NLRP5: variants seen among roughly 807,000 people sequenced by gnomAD.
NLRP5 encodes NLR family pyrin domain containing 5, also known as NACHT, LRR and PYD domains-containing protein 5.
NLRP5 carries 93 observed loss-of-function variants against 113.1 expected under a neutral mutation model. The observed-to-expected ratio is 0.82, with a 90% CI of 0.70 to 0.98. NLRP5 has a LOEUF of 0.98. Ranked by LOEUF, NLRP5 falls within the 50% of genes least tolerant of loss-of-function variation. The pLI is 0.00. For missense variants in NLRP5, 1,808 were observed against 1,514.3 expected (o/e 1.19, Z -3.22); for synonymous variants, 751 against 600.7 (o/e 1.25, Z -3.66).
At chr19:56,040,464 A>G (rs894878677) in intron 10 of NLRP5, among the ~76,000 whole-genome samples, 3 of 152,160 alleles carry the variant, frequency 2.0e-5, no homozygotes, top group African/African-American at 7.2e-5. Flanking sequence ...GCTACTCAGG[A>G]GGCTGAGGCC....
In NLRP5 at chr19:56,015,545, T is replaced by G. The variant is rs144665185; in HGVS notation, c.509-197T>G. Among the ~76,000 whole-genome samples, 169 of 152,330 alleles carry G rather than the reference T, an allele frequency of 1.1e-3. 1 individual carries two copies. The highest frequency in any genetic ancestry group is 3.1e-3 in the Admixed American group (47 of 15,288). ...CCAGTGTATAGAAATACTTTTGATT[T>G]TGAATCGTCGGATCTTGAATCTAGT... On this transcript the variant is annotated intron_variant, in intron 3 of 14. Transcript: ENST00000390649.
At chr19:56,049,685 C>G (rs116894796) in intron 11 of NLRP5, among the ~76,000 whole-genome samples, 4,783 of 152,176 alleles carry the variant, frequency 0.031, 100 homozygotes, top group Non-Finnish European at 0.045. Flanking sequence ...AAAAATGTGT[C>G]TAAAGTTTCC....
chr19:56,059,393 A>G, intron 14 of NLRP5, among the ~76,000 whole-genome samples: 1 of 152,204 alleles, frequency 6.6e-6, no homozygotes, highest in South Asian at 2.1e-4. Flanking sequence ...AGGAGCTCAT[A>G]TCCGTAGACT....
chr19:56,043,542 CTTT>C lies in NLRP5; in HGVS notation c.2957+2489_2957+2491del, dbSNP rs369622191. The stretch of plus-strand genomic sequence containing the variant: ...TGGATTGTCTGTTTACTCTGCTATT[CTTT>C]TTTTTTTTTTTTTTTTTTTTTTTTT... On this transcript the variant is annotated intron_variant, in intron 11 of 14. Transcript: ENST00000390649. Among the ~76,000 whole-genome samples, 9 of 92,956 alleles carry C rather than the reference CTTT, an allele frequency of 9.7e-5. No individual in the cohort carries two copies. In the East Asian group the frequency reaches 3.8e-3, roughly 39 times the overall value. 61.0% of individuals were successfully genotyped at this position (92,956 alleles called of 152,430 possible).
chr19:56,021,595 G>A (rs1314719044), intron 6 of NLRP5, among the ~76,000 whole-genome samples: 1 of 152,138 alleles, frequency 6.6e-6, no homozygotes, highest in African/African-American at 2.4e-5. Flanking sequence ...TTCTGTGACT[G>A]GCCATGTTTC....
At position 56,027,779 on chromosome 19, in the gene NLRP5, G is replaced by T. The variant is rs778691799; in HGVS notation, c.1546G>T (p.Val516Phe). Reference sequence around the variant, plus strand: ...TCATCAGCTCACCCCTCGAGGCGTGGTCCGGCGCTGTCTCAATCTGGAGGA... The same window carrying T: ...TCATCAGCTCACCCCTCGAGGCGTGTTCCGGCGCTGTCTCAATCTGGAGGA... Residue 516 changes from valine (V) to phenylalanine (F), a missense_variant, in exon 7 of 15, where the codon GTC (valine) becomes TTC (phenylalanine). Transcript: ENST00000390649. 6.2e-7 allele frequency: 1 copy of T among 1,613,998 alleles called. No homozygotes were observed. Among genetic ancestry groups the T allele is most frequent in the South Asian group, 1.1e-5 (1 of 91,076 alleles).
Position 56,007,918 on chromosome 19 carries a change from T to TGCACGCGCGCGCGTGC in NLRP5, c.443-869_443-868insCACGCGCGCGCGTGCG, listed in dbSNP as rs1277773594. Among the ~76,000 whole-genome samples, 10 of 75,706 alleles carry TGCACGCGCGCGCGTGC rather than the reference T, an allele frequency of 1.3e-4. No homozygotes were observed. The South Asian group carries it at 3.0e-3, about 23-fold the overall frequency. The allele number at this position is 75,706 out of a possible 152,430, so 49.7% of individuals were successfully genotyped here. ...GTGCGCGCGTGCGTGTGTGTGTGTG[T>TGCACGCGCGCGCGTGC]GTGTGTGTGTGTGTGTTTGAAACAG... On this transcript the variant is annotated intron_variant, in intron 2 of 14. Transcript: ENST00000390649.
intron 6 of NLRP5, among the ~76,000 whole-genome samples, chr19:56,025,028 A>G (rs1025440444): frequency 1.5e-5 from 2 of 129,342 alleles, no homozygotes; most frequent in African/African-American, 6.0e-5. Context: ...TGAACTGCAC[A>G]TGTGAGGGAT....
intron 3 of NLRP5, among the ~76,000 whole-genome samples, chr19:56,011,130 G>T (rs1040529290): frequency 6.6e-6 from 1 of 151,496 alleles, no homozygotes; most frequent in Non-Finnish European, 1.5e-5. Context: ...TTCAGCCTGG[G>T]TGATAAAATG....
chr19:55,999,221 T>TC (rs1981516267), upstream of NLRP5, among the ~76,000 whole-genome samples: 1 of 147,342 alleles, frequency 6.8e-6, no homozygotes, highest in Non-Finnish European at 1.5e-5. Flanking sequence ...TCTTTTTTTT[T>TC]TTTTTTTTTG....
Position 56,053,457 on chromosome 19 carries a change from C to T in NLRP5, c.3129-181C>T, listed in dbSNP as rs28453043. ...TCACACCAGACACTTTCCCCGCCTC[C>T]GCTATCATTCCTCTCTCAAGCCAAC... On this transcript the variant is annotated intron_variant, in intron 12 of 14. Coordinates refer to ENST00000390649, the MANE Select transcript of NLRP5 (RefSeq NM_153447.4). Among the ~76,000 whole-genome samples the T allele has an allele frequency of 1.3e-3, 200 of 152,258 alleles. 1 individual carries two copies. Among genetic ancestry groups the T allele is most frequent in the African/African-American group, 4.2e-3 (173 of 41,552 alleles).
At chr19:55,997,344 G>T (rs1030192079), upstream of NLRP5, among the ~76,000 whole-genome samples, 1 of 152,092 alleles carries the variant, frequency 6.6e-6, no homozygotes. Flanking sequence ...TGTGTTCTTA[G>T]ATTTGGTTAC....
At chr19:56,014,478 CAAA>C (rs3055393) in intron 3 of NLRP5, among the ~76,000 whole-genome samples, 18,584 of 136,930 alleles carry the variant, frequency 0.14, 1,246 homozygotes, top group Non-Finnish European at 0.17. Flanking sequence ...CGCTCCATCT[CAAA>C]AAAAAAAAAA....
intron 10 of NLRP5, among the ~76,000 whole-genome samples, chr19:56,039,624 C>T (rs185966448): frequency 9.1e-4 from 139 of 152,260 alleles, no homozygotes; most frequent in African/African-American, 3.3e-3. Context: ...TAAAAAGCTG[C>T]TTAAATGGCC....
Position 56,028,462 on chromosome 19 carries a change from CT to C in NLRP5, c.2231del (p.Phe744SerfsTer50). The C allele has an allele frequency of 6.2e-7, 1 of 1,613,886 alleles. No individual in the cohort carries two copies. The highest frequency in any genetic ancestry group is 8.5e-7 in the Non-Finnish European group (1 of 1,179,894). ...AAATTCGGGTGGATGTCAAAGGGAT[CT>C]TCCCAAGAGATGAGTCCGCTGAGGC... On this transcript the variant is annotated frameshift_variant, in exon 7 of 15. Transcript: ENST00000390649. LOFTEE classifies it high-confidence loss of function.
At chr19:56,036,817 C>T (rs1025047695) in intron 9 of NLRP5, among the ~76,000 whole-genome samples, 3 of 152,058 alleles carry the variant, frequency 2.0e-5, no homozygotes, top group African/African-American at 4.8e-5. Flanking sequence ...ATTAGTCGGG[C>T]ATGATGGCAT....
chr19:56,055,436 T>C (rs1033546785), intron 13 of NLRP5, among the ~76,000 whole-genome samples: 1 of 151,820 alleles, frequency 6.6e-6, no homozygotes, highest in African/African-American at 2.4e-5. Flanking sequence ...TTTATGATTT[T>C]ATTAAACTTT....
chr19:56,058,596 A>T (rs146174029), intron 14 of NLRP5, among the ~76,000 whole-genome samples, 186 bp downstream of exon 14: 87 of 152,330 alleles, frequency 5.7e-4, no homozygotes, highest in African/African-American at 1.9e-3. Context: ...AATATGGGAG[A>T]TAGAGGCCAG....
At chr19:56,028,881 C>G (rs1411091846) in intron 7 of NLRP5, among the ~76,000 whole-genome samples, 1 of 152,184 alleles carries the variant, frequency 6.6e-6, no homozygotes, top group Admixed American at 6.5e-5. Context: ...TCTCCTGCCT[C>G]AGGCTGCCGA....
Sources: gnomAD v4.1 joint callset for allele counts (sites outside exome capture counted in the v4.1 genomes callset) on GRCh38, gnomAD v4.1.1 for gene constraint, MANE v1.5 for transcripts, NCBI Gene and HGNC (gene_info 2026-07-23, HGNC 2026-07-21) for gene names.